Variants in RBL1 observed in about 807,000 individuals in gnomAD.
The protein encoded by RBL1 is RB transcriptional corepressor like 1.
Under a neutral mutation model 123.0 loss-of-function variants are expected in RBL1, and 82 were observed. The observed-to-expected ratio is 0.67, with a 90% CI of 0.56 to 0.80. The LOEUF is 0.80. Among genes scored for constraint, RBL1 ranks in the 30% least tolerant of loss-of-function variants. The probability of loss-of-function intolerance (pLI) is 0.00; values close to 1 mark genes in which losing one functional copy is unlikely to be tolerated. For missense variants in RBL1, 1,171 were observed against 1,299.6 expected (o/e 0.90, Z 1.52); for synonymous variants, 405 against 441.3 (o/e 0.92, Z 1.03).
chr20:37,031,900 GGCT>G (rs1463263189), intron 16 of RBL1, among the ~76,000 whole-genome samples: 2 of 147,482 alleles, frequency 1.4e-5, no homozygotes, highest in Non-Finnish European at 3.0e-5. Flanking sequence ...CACCATACCT[GGCT>G]GCTTTTTTTT....
intron 21 of RBL1, among the ~76,000 whole-genome samples, chr20:37,000,721 G>C (rs1448042848): frequency 5.2e-4 from 67 of 128,272 alleles, no homozygotes; most frequent in African/African-American, 1.7e-3. Flanking sequence ...GGAGGGAGGC[G>C]GGGAGGTCAG....
chr20:37,011,621 G>C (rs1175494419), intron 19 of RBL1, among the ~76,000 whole-genome samples: 1 of 151,838 alleles, frequency 6.6e-6, no homozygotes, highest in Non-Finnish European at 1.5e-5. Flanking sequence ...TTTTAGTAAA[G>C]ATGGGGTTTC....
At chr20:37,004,714 CAAAAA>C (rs11361452) in intron 20 of RBL1, among the ~76,000 whole-genome samples, 2 of 72,514 alleles carry the variant, frequency 2.8e-5, no homozygotes, top group Non-Finnish European at 2.5e-5. Flanking sequence ...GACTCTGCCT[CAAAAA>C]AAAAAAAAAA....
chr20:37,025,135 A>C (rs1319867295), intron 16 of RBL1, among the ~76,000 whole-genome samples: 1 of 152,188 alleles, frequency 6.6e-6, no homozygotes, highest in African/African-American at 2.4e-5. Flanking sequence ...GCTATAAATG[A>C]GTTGTTTTCC....
intron 21 of RBL1, among the ~76,000 whole-genome samples, chr20:37,003,380 A>G (rs189085201): frequency 4.2e-4 from 64 of 152,182 alleles, no homozygotes; most frequent in African/African-American, 1.5e-3. Context: ...TTCACTTCCA[A>G]TGCCTTTCTT....
At chr20:37,076,972 T>C (rs1600589627) in intron 2 of RBL1, among the ~76,000 whole-genome samples, 1 of 151,334 alleles carries the variant, frequency 6.6e-6, no homozygotes, top group East Asian at 1.9e-4. Flanking sequence ...AGTCTTGCTC[T>C]GTCGCCCAGG....
At chr20:37,048,932 T>C (rs13041486) in intron 11 of RBL1, among the ~76,000 whole-genome samples, 2 of 138,296 alleles carry the variant, frequency 1.4e-5, no homozygotes, top group Admixed American at 1.5e-4. Flanking sequence ...CCAGGTGCGG[T>C]GGCTCAAGCC....
At chr20:37,063,577 T>A (rs1043360623) in intron 7 of RBL1, among the ~76,000 whole-genome samples, 1 of 152,242 alleles carries the variant, frequency 6.6e-6, no homozygotes, top group African/African-American at 2.4e-5. Flanking sequence ...AATGGTGTGA[T>A]CTGGGCTCAC....
At position 37,056,225 on chromosome 20, in the gene RBL1, CATA is replaced by C. The variant is rs777374022; in HGVS notation, c.1281_1283del (p.Ile427del). The C allele has an allele frequency of 3.7e-6, 6 of 1,604,956 alleles. No individual in the cohort carries two copies. Among genetic ancestry groups the C allele is most frequent in the Middle Eastern group, 1.7e-4 (1 of 5,998 alleles). Reference sequence around the variant, plus strand: ...TCTCTCCTATTCCTTTTAGTATTTTCATAATGTTTTCCACAGGATTACGCACAC... The same window carrying C: ...TCTCTCCTATTCCTTTTAGTATTTTCATGTTTTCCACAGGATTACGCACAC... On this transcript the variant is annotated inframe_deletion, in exon 10 of 22. Coordinates refer to ENST00000373664, the MANE Select transcript of RBL1 (RefSeq NM_002895.5).
chr20:37,062,896 G>C (rs1432534824), intron 7 of RBL1, among the ~76,000 whole-genome samples: 1 of 149,390 alleles, frequency 6.7e-6, no homozygotes, highest in Non-Finnish European at 1.5e-5. Flanking sequence ...GCAGAAGAAT[G>C]GCATGAACCT....
chr20:37,078,005 C>T (rs888070364), intron 2 of RBL1, among the ~76,000 whole-genome samples: 11 of 152,140 alleles, frequency 7.2e-5, no homozygotes, highest in African/African-American at 2.7e-4. Flanking sequence ...GGAACCAGTT[C>T]CTCAGACTTC....
intron 2 of RBL1, among the ~76,000 whole-genome samples, chr20:37,088,489 G>T (rs916558530): frequency 6.6e-6 from 1 of 152,026 alleles, no homozygotes; most frequent in African/African-American, 2.4e-5. Flanking sequence ...CAACACAGAG[G>T]TTTCTAGCAG....
intron 11 of RBL1, chr20:37,049,473 TAAG>T (rs2064869941): frequency 1.3e-6 from 1 of 754,416 alleles, no homozygotes. Context: ...ATGGTGGTGC[TAAG>T]AAAAGGAAGA....
Position 37,062,217 on chromosome 20 carries a change from T to C in RBL1, c.950A>G (p.Asp317Gly). 1 of 1,614,212 alleles carries C rather than the reference T, an allele frequency of 6.2e-7. No individual in the cohort carries two copies. Among genetic ancestry groups the C allele is most frequent in the Non-Finnish European group, 8.5e-7 (1 of 1,180,034 alleles). The change falls in exon 8 of 22, where the codon GAT becomes GGT. Residue 317 changes from aspartate (D) to glycine (G), a missense_variant. Transcript: ENST00000373664. ...EEYVLTVGDF[D>G]ERIFLGADAE... Reference sequence around the variant, plus strand: ...GTCTGCTCCCAAAAAGATCCTCTCATCAAAATCACCAACAGTTAGAACATA... The same window carrying C: ...GTCTGCTCCCAAAAAGATCCTCTCACCAAAATCACCAACAGTTAGAACATA...
chr20:37,024,716 TAAAG>T (rs748950320), intron 16 of RBL1, among the ~76,000 whole-genome samples: 17 of 151,860 alleles, frequency 1.1e-4, no homozygotes, highest in Non-Finnish European at 1.9e-4. Context: ...ACATTCAAAA[TAAAG>T]AATTCACCAA....
At chr20:37,020,377 C>A (rs1433907102) in intron 18 of RBL1, among the ~76,000 whole-genome samples, 2 of 152,104 alleles carry the variant, frequency 1.3e-5, no homozygotes, top group African/African-American at 4.8e-5. Flanking sequence ...GCGTGAGACA[C>A]CGCACCCAGC....
Position 37,022,785 on chromosome 20 carries a change from T to C in RBL1, c.2424A>G (p.Leu808=), listed in dbSNP as rs1428418498. 1 of 1,613,568 alleles carries C rather than the reference T, an allele frequency of 6.2e-7. No individual in the cohort carries two copies. Among genetic ancestry groups the C allele is most frequent in the Non-Finnish European group, 8.5e-7 (1 of 1,179,772 alleles). ...LASVRLRDLC[L]KLDVSNELRR... ...GTAACTCATTTGAAACATCCAGTTTTAGACATAGATCACGTAAGCGTACAC... is the reference window on the plus strand; with the variant it reads ...GTAACTCATTTGAAACATCCAGTTTCAGACATAGATCACGTAAGCGTACAC... Residue 808 remains leucine (L), a synonymous_variant, in exon 17 of 22, where the codon CTA becomes CTG. Coordinates refer to ENST00000373664, the MANE Select transcript of RBL1 (RefSeq NM_002895.5).
intron 2 of RBL1, among the ~76,000 whole-genome samples, chr20:37,073,531 C>A (rs2065313703): frequency 6.6e-6 from 1 of 150,542 alleles, no homozygotes; most frequent in Non-Finnish European, 1.5e-5. Flanking sequence ...GACCTCATGT[C>A]TACAAAAAAC....
intron 19 of RBL1, among the ~76,000 whole-genome samples, chr20:37,012,192 T>G (rs1445089087): frequency 6.6e-6 from 1 of 152,220 alleles, no homozygotes; most frequent in Admixed American, 6.5e-5. Context: ...TGGAGTGCAG[T>G]GGCGTGATCT....
Sources: allele counts gnomAD v4.1 joint callset (sites outside exome capture counted in the v4.1 genomes callset), GRCh38; gene constraint gnomAD v4.1.1; transcripts MANE v1.5; gene names NCBI Gene and HGNC (gene_info 2026-07-23, HGNC 2026-07-21).